Variants in TEX2 observed in about 807,000 individuals in gnomAD.
TEX2 encodes the protein testis expressed 2.
A neutral mutation model predicts 106.9 loss-of-function variants in TEX2; 53 were observed. The ratio of observed to expected loss-of-function variants is 0.50; its 90% CI spans 0.40 to 0.62. The LOEUF (loss-of-function observed/expected upper bound fraction) is 0.62. Among genes scored for constraint, TEX2 ranks in the 20% least tolerant of loss-of-function variants. The pLI, the probability that TEX2 is intolerant of heterozygous loss-of-function variation, is 0.00. For synonymous variants in TEX2, 523 were observed against 534.8 expected, an observed-to-expected ratio of 0.98 and a Z score of 0.30; for missense variants, 1,207 against 1,379.0, an observed-to-expected ratio of 0.88 and a Z score of 1.98.
At chr17:64,247,471 C>A (rs145332661) in intron 1 of TEX2, among the ~76,000 whole-genome samples, 75 of 152,232 alleles carry the variant, frequency 4.9e-4, no homozygotes, top group African/African-American at 1.8e-3. Flanking sequence ...CGTGTATCTC[C>A]AATTCTCTCC....
chr17:64,171,252 T>C (rs2031383985), intron 6 of TEX2, 53 bp from the exon 7 acceptor site: 2 of 1,469,726 alleles, frequency 1.4e-6, no homozygotes, highest in East Asian at 4.6e-5. Flanking sequence ...CTACAAAACA[T>C]GCTGTTGCAA....
rs1158124035 is a variant in TEX2, at chr17:64,147,502, T to A, written c.*1467A>T. ...GCGATTTTAAATCCCCACATACTAT[T>A]TGATTAAGTGCAACATGGTACAGTC... On this transcript the variant is annotated 3_prime_UTR_variant, in exon 12 of 12. Coordinates refer to ENST00000584379, the MANE Select transcript of TEX2 (RefSeq NM_001288732.2). The A allele has an allele frequency of 6.6e-6, 1 of 152,280 alleles. No individual in the cohort carries two copies. Among genetic ancestry groups the A allele is most frequent in the African/African-American group, 2.4e-5 (1 of 41,444 alleles). The allele number at this position is 152,280 out of a possible 1,614,324, so 9.4% of individuals were successfully genotyped here.
rs141660982 is a variant in TEX2, at chr17:64,168,982, G to C, written c.2671+2118C>G. 2.3e-3 allele frequency among the ~76,000 whole-genome samples: 337 copies of C among 144,370 alleles called. 2 individuals are homozygous for C. The highest frequency in any genetic ancestry group is 8.3e-3 in the African/African-American group (321 of 38,866). The allele number at this position is 144,370 out of a possible 152,430, so 94.7% of individuals were successfully genotyped here. A position where few individuals can be genotyped will look rare whatever the true frequency, so the allele number is the denominator to read the frequency against. On this transcript the variant is annotated intron_variant, in intron 7 of 11. Coordinates refer to ENST00000584379, the MANE Select transcript of TEX2 (RefSeq NM_001288732.2). ...CCCGAGTAGCTGGGATTACAGGCCA[G>C]GGTGATGCTAGGGCCCGAGGTTACA...
chr17:64,254,371 G>C lies in TEX2; in HGVS notation c.-26+8797C>G, dbSNP rs189289591. Among the ~76,000 whole-genome samples, 26 of 152,348 alleles carry C rather than the reference G, an allele frequency of 1.7e-4. 1 individual carries two copies. Among genetic ancestry groups the C allele is most frequent in the African/African-American group, 6.0e-4 (25 of 41,576 alleles). On this transcript the variant is annotated intron_variant, in intron 1 of 11. Transcript: ENST00000584379. ...TTTGATTTGTTGCCCAGATTAGTTT[G>C]TGCTGGGCTCTATCCTATCACCAGG...
chr17:64,148,734 T>G lies in TEX2; in HGVS notation c.*235A>C, dbSNP rs1258929365. ...ATAACTTCTGGATCCACCATGATTCTTCCATGGTCTCCTTTGCCAAATCAA... is the reference window on the plus strand; with the variant it reads ...ATAACTTCTGGATCCACCATGATTCGTCCATGGTCTCCTTTGCCAAATCAA... On this transcript the variant is annotated 3_prime_UTR_variant, in exon 12 of 12. Transcript: ENST00000584379. 2 of 495,090 alleles carry G rather than the reference T, an allele frequency of 4.0e-6. No homozygotes were observed. The highest frequency in any genetic ancestry group is 7.1e-5 in the East Asian group (2 of 28,186). The allele number at this position is 495,090 out of a possible 1,614,324, so 30.7% of individuals were successfully genotyped here.
intron 1 of TEX2, 47 bp from the exon 2 acceptor site, chr17:64,214,289 C>G: frequency 2.0e-6 from 3 of 1,480,376 alleles, no homozygotes; most frequent in Non-Finnish European, 1.8e-6. Context: ...AGTTTCTCCA[C>G]AGGAGACGCT....
intron 1 of TEX2, among the ~76,000 whole-genome samples, chr17:64,225,707 CTTTT>C (rs869126977): frequency 7.7e-6 from 1 of 129,570 alleles, no homozygotes; most frequent in Non-Finnish European, 1.9e-5. Context: ...CTTTTCTTTT[CTTTT>C]TTTTTGTTTG....
chr17:64,156,065 T>G (rs2030612167), intron 8 of TEX2: 1 of 152,258 alleles, frequency 6.6e-6, no homozygotes, highest in African/African-American at 2.4e-5. Flanking sequence ...AGGGCCTATC[T>G]CCCTGCAGCT....
chr17:64,151,569 T>G (rs116854971), intron 10 of TEX2, among the ~76,000 whole-genome samples: 3,017 of 152,348 alleles, frequency 0.02, 46 homozygotes, highest in Non-Finnish European at 0.028. Context: ...CCCTGTATGC[T>G]ATCAACTATC....
chr17:64,197,208 C>G (rs1399412029), intron 2 of TEX2, among the ~76,000 whole-genome samples: 1 of 151,752 alleles, frequency 6.6e-6, no homozygotes, highest in Non-Finnish European at 1.5e-5. Context: ...ATATTTCTTC[C>G]TTAAAGGTTT....
intron 2 of TEX2, among the ~76,000 whole-genome samples, chr17:64,201,026 A>G (rs1056521660): frequency 6.6e-6 from 1 of 152,230 alleles, no homozygotes; most frequent in Non-Finnish European, 1.5e-5. Context: ...GATTTGAATT[A>G]CACATTTATT....
chr17:64,162,935 T>A (rs2030953438), intron 7 of TEX2, among the ~76,000 whole-genome samples: 2 of 152,154 alleles, frequency 1.3e-5, no homozygotes, highest in Non-Finnish European at 2.9e-5. Context: ...CTTGCTGCTG[T>A]TGCCAGGGAA....
intron 1 of TEX2, among the ~76,000 whole-genome samples, chr17:64,240,613 GA>G (rs1555635648): frequency 6.6e-6 from 1 of 152,124 alleles, no homozygotes; most frequent in East Asian, 1.9e-4. Flanking sequence ...GCTTCAAAAT[GA>G]GAAAAATAAA....
chr17:64,183,603 T>C (rs1229479100), intron 5 of TEX2, among the ~76,000 whole-genome samples: 1 of 152,122 alleles, frequency 6.6e-6, no homozygotes, highest in Non-Finnish European at 1.5e-5. Flanking sequence ...ATTTTTTGTA[T>C]TTTTAATAGA....
At chr17:64,189,799 T>A (rs1156398814) in intron 4 of TEX2, among the ~76,000 whole-genome samples, 1 of 151,928 alleles carries the variant, frequency 6.6e-6, no homozygotes, top group Non-Finnish European at 1.5e-5. Context: ...CTGGCCGACA[T>A]GATGAAACCC....
intron 1 of TEX2, among the ~76,000 whole-genome samples, chr17:64,235,097 C>T (rs782166004): frequency 5.3e-5 from 8 of 152,310 alleles, no homozygotes; most frequent in Middle Eastern, 3.4e-3. Context: ...CAACAATCAA[C>T]GTTTATGACT....
At chr17:64,204,719 A>T (rs2032776021) in intron 2 of TEX2, among the ~76,000 whole-genome samples, 1 of 152,154 alleles carries the variant, frequency 6.6e-6, no homozygotes, top group Non-Finnish European at 1.5e-5. Context: ...AGTACAGCAA[A>T]CCTCTTCTTA....
chr17:64,173,942 G>A (rs2031516996), intron 6 of TEX2, among the ~76,000 whole-genome samples: 1 of 152,078 alleles, frequency 6.6e-6, no homozygotes, highest in South Asian at 2.1e-4. Context: ...GCCTCCTGGG[G>A]TGAAGCGATC....
intron 6 of TEX2, 66 bp downstream of exon 6, chr17:64,177,259 G>A: frequency 1.3e-6 from 2 of 1,588,118 alleles, no homozygotes; most frequent in African/African-American, 2.7e-5. Context: ...TAGGACATAA[G>A]GGTACAAAAT....
Sources: allele counts gnomAD v4.1 joint callset (sites outside exome capture counted in the v4.1 genomes callset), GRCh38; gene constraint gnomAD v4.1.1; transcripts MANE v1.5; gene names NCBI Gene and HGNC (gene_info 2026-07-23, HGNC 2026-07-21).